DARS1: variants seen among roughly 807,000 people sequenced by gnomAD.
DARS1 encodes the protein aspartate--tRNA ligase, cytoplasmic.
Under a neutral mutation model 68.8 loss-of-function variants are expected in DARS1, and 51 were observed. The ratio of observed to expected loss-of-function variants is 0.74; its 90% confidence interval spans 0.59 to 0.94. The LOEUF (loss-of-function observed/expected upper bound fraction) is 0.94. Among genes scored for constraint, DARS1 ranks in the 40% least tolerant of loss-of-function variants. The probability of loss-of-function intolerance (pLI) is 0.00; values close to 1 mark genes in which losing one functional copy is unlikely to be tolerated. For missense variants in DARS1, 607 were observed against 597.3 expected, an observed-to-expected ratio of 1.02 and a Z score of -0.17; for synonymous variants, 203 against 190.4, an observed-to-expected ratio of 1.07 and a Z score of -0.55.
chr2:135,912,050 G>A (rs1337746778), intron 13 of DARS1, among the ~76,000 whole-genome samples: 2 of 152,206 alleles, frequency 1.3e-5, no homozygotes, highest in East Asian at 3.9e-4. Context: ...AAGCCCTCCA[G>A]GTGATTCTGA....
intron 2 of DARS1, among the ~76,000 whole-genome samples, chr2:135,982,217 T>C (rs988421325): frequency 7.9e-5 from 12 of 151,758 alleles, no homozygotes; most frequent in South Asian, 2.1e-4. Flanking sequence ...ATTACATATA[T>C]AGAATAGAAG....
intron 3 of DARS1, among the ~76,000 whole-genome samples, chr2:135,965,024 G>A (rs1326962115): frequency 6.6e-6 from 1 of 151,966 alleles, no homozygotes; most frequent in East Asian, 1.9e-4. Flanking sequence ...AACCTATATA[G>A]TATGTAAAAG....
intron 4 of DARS1, among the ~76,000 whole-genome samples, chr2:135,946,751 A>C (rs1681732182): frequency 1.3e-5 from 2 of 152,170 alleles, no homozygotes; most frequent in South Asian, 2.1e-4. Flanking sequence ...TGGAGACATA[A>C]ATCGGGGGAA....
At chr2:135,973,747 G>A (rs1165125255) in intron 3 of DARS1, among the ~76,000 whole-genome samples, 1 of 152,128 alleles carries the variant, frequency 6.6e-6, no homozygotes, top group Non-Finnish European at 1.5e-5. Context: ...ACATGTGCCT[G>A]TAGTCCCAGC....
intron 5 of DARS1, among the ~76,000 whole-genome samples, chr2:135,936,360 T>TA (rs1681473247): frequency 1.3e-5 from 2 of 152,170 alleles, no homozygotes; most frequent in East Asian, 1.9e-4. Context: ...TTGCTTCTAG[T>TA]AAAAAAACAG....
intron 5 of DARS1, among the ~76,000 whole-genome samples, chr2:135,939,709 G>T (rs545198136): frequency 6.6e-6 from 1 of 152,230 alleles, no homozygotes; most frequent in South Asian, 2.1e-4. Context: ...AAAAATCAAT[G>T]AATCCAGGAG....
intron 15 of DARS1, among the ~76,000 whole-genome samples, chr2:135,909,616 CTT>C (rs1017317057): frequency 9.2e-5 from 14 of 152,128 alleles, no homozygotes; most frequent in African/African-American, 3.1e-4. Context: ...CCATTCTACT[CTT>C]TGTCTATGGG....
intron 7 of DARS1, among the ~76,000 whole-genome samples, chr2:135,929,506 G>A (rs906808440): frequency 2.0e-5 from 3 of 152,016 alleles, no homozygotes; most frequent in African/African-American, 7.2e-5. Flanking sequence ...ATATTGTATA[G>A]CTATTAAAAT....
chr2:135,920,637 G>C (rs1347996659), intron 9 of DARS1, 37 bp from the exon 10 acceptor site: 1 of 1,517,668 alleles, frequency 6.6e-7, no homozygotes. Context: ...AGCAAACACT[G>C]ATTTCAATTT....
At chr2:135,943,063 G>T in intron 5 of DARS1, 1 of 216,692 alleles carries the variant, frequency 4.6e-6, no homozygotes, top group Non-Finnish European at 9.2e-6. Context: ...AACATATCTG[G>T]GCTAGCCTGC....
At chr2:135,940,268 C>T (rs1030658636) in intron 5 of DARS1, among the ~76,000 whole-genome samples, 1 of 152,206 alleles carries the variant, frequency 6.6e-6, no homozygotes, top group Non-Finnish European at 1.5e-5. Context: ...CAATAAAATA[C>T]TGGCAAAACA....
intron 4 of DARS1, among the ~76,000 whole-genome samples, chr2:135,957,379 C>T (rs1472828263): frequency 6.6e-6 from 1 of 152,174 alleles, no homozygotes; most frequent in Non-Finnish European, 1.5e-5. Context: ...ATGTGCCCGC[C>T]ACCATGCCTG....
chr2:135,954,242 T>A (rs1454565792), intron 4 of DARS1, among the ~76,000 whole-genome samples: 2 of 141,482 alleles, frequency 1.4e-5, no homozygotes, highest in African/African-American at 5.3e-5. Flanking sequence ...ATCCAGAATC[T>A]AAGAGACCTT....
At chr2:135,941,000 A>G (rs1196134700) in intron 5 of DARS1, among the ~76,000 whole-genome samples, 16 of 152,112 alleles carry the variant, frequency 1.1e-4, no homozygotes, top group Non-Finnish European at 2.2e-4. Flanking sequence ...ACTGCTCAAC[A>G]AAATAAAAGA....
chr2:135,975,083 G>A (rs1363974895), intron 3 of DARS1, among the ~76,000 whole-genome samples: 3 of 152,126 alleles, frequency 2.0e-5, no homozygotes, highest in African/African-American at 7.2e-5. Flanking sequence ...AGTGGCTCAC[G>A]CCTGTAATCC....
chr2:135,970,252 C>CAAAA lies in DARS1; in HGVS notation c.218-8758_218-8755dup, dbSNP rs1217937806. Among the ~76,000 whole-genome samples, 58 of 49,204 alleles carry CAAAA rather than the reference C, an allele frequency of 1.2e-3. 1 individual carries two copies. The highest frequency in any genetic ancestry group is 3.1e-3 in the African/African-American group (47 of 15,172). The allele number at this position is 49,204 out of a possible 152,430, so 32.3% of individuals were successfully genotyped here. On this transcript the variant is annotated intron_variant, in intron 3 of 15. Coordinates refer to ENST00000264161, the MANE Select transcript of DARS1 (RefSeq NM_001349.4). ...TGGGCAACATAGTGAGACCCTGTCT[C>CAAAA]AAAAAAAAAAAAAAAAAAAAAAAAG...
intron 2 of DARS1, among the ~76,000 whole-genome samples, chr2:135,981,512 G>A (rs1682631999): frequency 6.6e-6 from 1 of 151,982 alleles, no homozygotes; most frequent in African/African-American, 2.4e-5. Flanking sequence ...TTCAGATTAG[G>A]GATGCTCAAG....
chr2:135,912,369 T>C lies in DARS1; in HGVS notation c.1230+117A>G, dbSNP rs1359274904. 1.9e-5 allele frequency: 10 copies of C among 513,076 alleles called. No individual in the cohort carries two copies. The highest frequency in any genetic ancestry group is 1.8e-4 in the African/African-American group (9 of 50,794). 31.8% of individuals were successfully genotyped at this position (513,076 alleles called of 1,614,324 possible). On this transcript the variant is annotated intron_variant, in intron 13 of 15. Coordinates refer to ENST00000264161, the MANE Select transcript of DARS1 (RefSeq NM_001349.4). ...TGACAGACATCAATGGTAATACGTA[T>C]GTCTATCAAAACTGCAAATTATTAA...
At chr2:135,968,262 T>G (rs1682282691) in intron 3 of DARS1, among the ~76,000 whole-genome samples, 1 of 152,144 alleles carries the variant, frequency 6.6e-6, no homozygotes. Flanking sequence ...AGACTCTGTT[T>G]CAAAAAATAA....
Sources: gnomAD v4.1 joint callset for allele counts (sites outside exome capture counted in the v4.1 genomes callset) on GRCh38, gnomAD v4.1.1 for gene constraint, MANE v1.5 for transcripts, NCBI Gene and HGNC (gene_info 2026-07-23, HGNC 2026-07-21) for gene names.